MAEL: variants seen among roughly 807,000 people sequenced by gnomAD.
MAEL encodes protein maelstrom homolog.
MAEL carries 46 observed loss-of-function variants against 62.0 expected under a neutral mutation model. The observed-to-expected ratio is 0.74, with a 90% CI of 0.59 to 0.95. The LOEUF (loss-of-function observed/expected upper bound fraction) is 0.95, where lower values mean the gene tolerates loss of function less well. Among genes scored for constraint, MAEL ranks in the 40% least tolerant of loss-of-function variants. The pLI, the probability that MAEL is intolerant of heterozygous loss-of-function variation, is 0.00. For synonymous variants in MAEL, 172 were observed against 175.5 expected (o/e 0.98, Z 0.16); for missense variants, 497 against 526.8 (o/e 0.94, Z 0.55).
At chr1:166,988,209 C>A (rs565227437), upstream of MAEL, among the ~76,000 whole-genome samples, 11 of 151,952 alleles carry the variant, frequency 7.2e-5, no homozygotes, top group African/African-American at 2.4e-4. Context: ...ATCACCAGGG[C>A]CTGGTGGTGT....
chr1:167,010,753 G>T (rs566750633), intron 8 of MAEL, among the ~76,000 whole-genome samples: 26 of 152,072 alleles, frequency 1.7e-4, no homozygotes, highest in Non-Finnish European at 1.3e-4. Context: ...TGGCTATTTT[G>T]TTCTTATAAT....
intron 10 of MAEL, among the ~76,000 whole-genome samples, chr1:167,019,714 C>A (rs896238234): frequency 2.0e-5 from 3 of 151,828 alleles, no homozygotes; most frequent in African/African-American, 7.3e-5. Context: ...TATATAGTCT[C>A]CCCAAAATTC....
chr1:166,999,327 A>T (rs1664564379), intron 5 of MAEL, among the ~76,000 whole-genome samples: 1 of 152,232 alleles, frequency 6.6e-6, no homozygotes, highest in South Asian at 2.1e-4. Flanking sequence ...AAGAAAGTGA[A>T]ACAGCCCCAT....
intron 8 of MAEL, among the ~76,000 whole-genome samples, chr1:167,010,760 T>TA (rs1435485347): frequency 6.6e-6 from 1 of 152,194 alleles, no homozygotes; most frequent in African/African-American, 2.4e-5. Flanking sequence ...TTTGTTCTTA[T>TA]AATAGCTTGT....
intron 5 of MAEL, among the ~76,000 whole-genome samples, chr1:166,994,715 G>C (rs1008861681): frequency 2.0e-5 from 3 of 147,990 alleles, no homozygotes; most frequent in Non-Finnish European, 4.5e-5. Flanking sequence ...CTGTCACCAG[G>C]CTGGAGTGGA....
At chr1:167,008,465 A>G (rs1044385845) in intron 8 of MAEL, among the ~76,000 whole-genome samples, 11 of 152,012 alleles carry the variant, frequency 7.2e-5, no homozygotes, top group Admixed American at 6.6e-5. Context: ...ATCTGTTTCA[A>G]TGGTTATCTT....
chr1:166,995,623 A>T (rs1056472037), intron 5 of MAEL, among the ~76,000 whole-genome samples: 1 of 152,052 alleles, frequency 6.6e-6, no homozygotes, highest in Non-Finnish European at 1.5e-5. Flanking sequence ...GTGTGAACAT[A>T]GCTAATATCC....
intron 6 of MAEL, 92 bp downstream of exon 6, chr1:167,004,396 T>C: frequency 1.7e-6 from 2 of 1,178,824 alleles, no homozygotes; most frequent in South Asian, 1.7e-5. Flanking sequence ...TATTTTTGTC[T>C]GTATATTGTG....
upstream of MAEL, among the ~76,000 whole-genome samples, chr1:166,985,355 A>T (rs1663880965): frequency 6.6e-6 from 1 of 152,164 alleles, no homozygotes; most frequent in Non-Finnish European, 1.5e-5. Flanking sequence ...TATGGTAAGG[A>T]TCTCCCTTGA....
At chr1:166,978,222 A>G (rs901436471) in intron 1 of MAEL, among the ~76,000 whole-genome samples, 5 of 152,240 alleles carry the variant, frequency 3.3e-5, no homozygotes, top group Admixed American at 3.3e-4. Flanking sequence ...CTGCATGTCT[A>G]CTTTATAGCC....
intron 10 of MAEL, among the ~76,000 whole-genome samples, chr1:167,019,476 A>G (rs1452406477): frequency 2.0e-5 from 3 of 151,976 alleles, no homozygotes; most frequent in Non-Finnish European, 4.4e-5. Flanking sequence ...CTCCTGAGAA[A>G]CCTTCCTGTG....
intron 8 of MAEL, among the ~76,000 whole-genome samples, chr1:167,007,816 A>G (rs1361723591): frequency 6.6e-6 from 1 of 152,124 alleles, no homozygotes; most frequent in Non-Finnish European, 1.5e-5. Context: ...TATTTTTAAA[A>G]AAAGACATAC....
Position 166,989,719 on chromosome 1 carries a change from T to A in MAEL, c.133-18T>A. ...CCTCACGGCTGTTTCTCTTCTTTGC[T>A]CCTTCAATCCCCAAAAGCTTCTGAG... On this transcript the variant is annotated intron_variant, in intron 1 of 11. Coordinates refer to ENST00000367872, the MANE Select transcript of MAEL (RefSeq NM_032858.3). The A allele has an allele frequency of 2.5e-6, 4 of 1,610,784 alleles. No homozygotes were observed. The highest frequency in any genetic ancestry group is 3.4e-6 in the Non-Finnish European group (4 of 1,178,410).
intron 1 of MAEL, 55 bp from the exon 2 acceptor site, chr1:166,989,682 A>G: frequency 6.4e-7 from 1 of 1,565,122 alleles, no homozygotes; most frequent in African/African-American, 1.3e-5. Context: ...TGCGGGCCCT[A>G]GAGCACGGGA....
chr1:167,010,906 G>A (rs1450250742), intron 8 of MAEL, among the ~76,000 whole-genome samples: 2 of 152,172 alleles, frequency 1.3e-5, no homozygotes, highest in Non-Finnish European at 2.9e-5. Context: ...ATGTGACAAA[G>A]TACAGGTTCT....
chr1:166,989,243 G>C, upstream of MAEL: 7 of 1,392,826 alleles, frequency 5.0e-6, no homozygotes, highest in Non-Finnish European at 6.8e-6. Flanking sequence ...GATTGGCCGA[G>C]AGTTGCGGGC....
rs146943109 is a variant in MAEL, at chr1:167,009,639, C to T, written c.845+4242C>T. Among the ~76,000 whole-genome samples, 339 of 149,576 alleles carry T rather than the reference C, an allele frequency of 2.3e-3. 4 individuals carry two copies. The highest frequency in any genetic ancestry group is 8.0e-3 in the African/African-American group (323 of 40,554). Reference sequence around the variant, plus strand: ...TTTAATGTTAGTTTTGTTCCACTGTCTAATGTTTCTTCTTAAAAGGAGTCC... The same window carrying T: ...TTTAATGTTAGTTTTGTTCCACTGTTTAATGTTTCTTCTTAAAAGGAGTCC... On this transcript the variant is annotated intron_variant, in intron 8 of 11. Transcript: ENST00000367872.
chr1:166,994,072 A>T lies in MAEL; in HGVS notation c.523+3A>T, dbSNP rs1300460302. 1.2e-6 allele frequency: 2 copies of T among 1,612,704 alleles called. No individual in the cohort carries two copies. Among genetic ancestry groups the T allele is most frequent in the Non-Finnish European group, 1.7e-6 (2 of 1,179,140 alleles). On this transcript the variant is annotated splice_donor_region_variant and intron_variant, in intron 5 of 11. Transcript: ENST00000367872. Reference sequence around the variant, plus strand: ...TCGATTTCATTGTCAGGCTGCAAGTAAGTATAAAGGAATGGGGTAGGATTT... The same window carrying T: ...TCGATTTCATTGTCAGGCTGCAAGTTAGTATAAAGGAATGGGGTAGGATTT...
chr1:167,011,733 CA>C (rs2102117208), intron 8 of MAEL, among the ~76,000 whole-genome samples: 1 of 152,244 alleles, frequency 6.6e-6, no homozygotes, highest in African/African-American at 2.4e-5. Context: ...TGGTTACCAT[CA>C]AGATTAATAA....
Sources: gnomAD v4.1 joint callset for allele counts (sites outside exome capture counted in the v4.1 genomes callset) on GRCh38, gnomAD v4.1.1 for gene constraint, MANE v1.5 for transcripts, NCBI Gene and HGNC (gene_info 2026-07-23, HGNC 2026-07-21) for gene names.